The following PRKCZ variants were observed in gnomAD, a reference collection of about 807,000 sequenced individuals.
The protein encoded by PRKCZ is protein kinase C zeta type.
Under a neutral mutation model 79.5 loss-of-function variants are expected in PRKCZ, and 33 were observed. The ratio of observed to expected loss-of-function variants is 0.41; its 90% CI spans 0.31 to 0.55. The LOEUF (loss-of-function observed/expected upper bound fraction) is 0.55, where lower values mean the gene tolerates loss of function less well. PRKCZ is among the 20% of genes least tolerant of loss of function. The probability of loss-of-function intolerance (pLI) is 0.19; values close to 1 mark genes in which losing one functional copy is unlikely to be tolerated. For missense variants in PRKCZ, 578 were observed against 813.5 expected, an observed-to-expected ratio of 0.71 and a Z score of 3.52; for synonymous variants, 342 against 320.9, an observed-to-expected ratio of 1.07 and a Z score of -0.70.
In PRKCZ at chr1:2,128,471, G is replaced by T. The variant is rs751046653; in HGVS notation, c.335-6791G>T. Among the ~76,000 whole-genome samples, 1 of 152,228 alleles carries T rather than the reference G, an allele frequency of 6.6e-6. No homozygotes were observed. Among genetic ancestry groups the T allele is most frequent in the Non-Finnish European group, 1.5e-5 (1 of 68,040 alleles). Reference sequence around the variant, plus strand: ...AACGTGTTTTCTACGTCTTGTCAGAGTGCTCAAGGCGCGAGATTGCCATGG... The same window carrying T: ...AACGTGTTTTCTACGTCTTGTCAGATTGCTCAAGGCGCGAGATTGCCATGG... On this transcript the variant is annotated intron_variant, in intron 4 of 17. Transcript: ENST00000378567. The surrounding 1 kb of genome is among the most constrained non-coding windows in gnomAD (Gnocchi z 6.5).
At chr1:2,156,351 G>T (rs1433365097) in intron 10 of PRKCZ, 1 of 374,518 alleles carries the variant, frequency 2.7e-6, no homozygotes, top group Non-Finnish European at 5.1e-6. Flanking sequence ...ATTGGGTCAG[G>T]TGCTGGGGCT....
At chr1:2,065,678 C>CAAA (rs61017134) in intron 4 of PRKCZ, among the ~76,000 whole-genome samples, 11 of 56,088 alleles carry the variant, frequency 2.0e-4, no homozygotes, top group South Asian at 5.9e-4. Context: ...GACTCTGTCT[C>CAAA]AAAAAAAAAA....
chr1:2,120,735 T>C (rs1340370040), intron 4 of PRKCZ, among the ~76,000 whole-genome samples: 2 of 152,232 alleles, frequency 1.3e-5, no homozygotes, highest in Non-Finnish European at 2.9e-5. Flanking sequence ...TGTGGATTTT[T>C]TTCTACTGTT....
In PRKCZ at chr1:2,156,922, G is replaced by A. The variant is rs115753366; in HGVS notation, c.974+830G>A. Among the ~76,000 whole-genome samples the A allele has an allele frequency of 3.1e-3, 477 of 151,476 alleles. 3 individuals are homozygous for A. Among genetic ancestry groups the A allele is most frequent in the African/African-American group, 0.011 (456 of 41,364 alleles). ...GAGAAACAGAACCAGTTGTGTGCAC[G>A]TGTGTGTGTGTGTGTAAAGAGATTT... On this transcript the variant is annotated intron_variant, in intron 10 of 17. Coordinates refer to ENST00000378567, the MANE Select transcript of PRKCZ (RefSeq NM_002744.6).
rs1186487109 is a variant in PRKCZ, at chr1:2,165,902, C to T, written c.975-3616C>T. Among the ~76,000 whole-genome samples, 1 of 152,088 alleles carries T rather than the reference C, an allele frequency of 6.6e-6. No individual in the cohort carries two copies. The highest frequency in any genetic ancestry group is 6.5e-5 in the Admixed American group (1 of 15,280). On this transcript the variant is annotated intron_variant, in intron 10 of 17. Coordinates refer to ENST00000378567, the MANE Select transcript of PRKCZ (RefSeq NM_002744.6). The surrounding 1 kb of genome is among the most constrained non-coding windows in gnomAD (Gnocchi z 4.1). ...AGGAGGTTTTGTGAGCTTCCCTCAG[C>T]CCCCGGCCGCCCCCTAGGAGGTTTC...
chr1:2,184,717 G>A lies in PRKCZ; in HGVS notation c.1691+19G>A, dbSNP rs775528318. The A allele has an allele frequency of 2.6e-5, 42 of 1,602,662 alleles. No individual in the cohort carries two copies. The East Asian group carries it at 6.3e-4, about 24-fold the overall frequency. On this transcript the variant is annotated intron_variant, in intron 17 of 17. Coordinates refer to ENST00000378567, the MANE Select transcript of PRKCZ (RefSeq NM_002744.6). Reference sequence around the variant, plus strand: ...ACGATGAGTGAGTCCCACTGGGTGCGGGTCCCTGGAGCACCCCTCGGGCAG... The same window carrying A: ...ACGATGAGTGAGTCCCACTGGGTGCAGGTCCCTGGAGCACCCCTCGGGCAG...
rs1297391988 is a variant in PRKCZ, at chr1:2,156,022, C to G, written c.904C>G (p.His302Asp). The change falls in exon 10 of 18, where the codon CAC (histidine) becomes GAC (aspartate). Residue 302 changes from histidine (H) to aspartate (D), a missense_variant. His to Asp is a moderately conservative substitution (Grantham distance 81). Coordinates refer to ENST00000378567, the MANE Select transcript of PRKCZ (RefSeq NM_002744.6). ...EDIDWVQTEK[H>D]VFEQASSNPF... ...TATTGACTGGGTACAGACAGAGAAG[C>G]ACGTGTTTGAGCAGGCATCCAGCAA... The G allele has an allele frequency of 6.2e-7, 1 of 1,613,860 alleles. No individual in the cohort carries two copies. Among genetic ancestry groups the G allele is most frequent in the Non-Finnish European group, 8.5e-7 (1 of 1,179,920 alleles).
At chr1:2,065,678 CA>C (rs61017134) in intron 4 of PRKCZ, among the ~76,000 whole-genome samples, 1,672 of 56,130 alleles carry the variant, frequency 0.03, 22 homozygotes, top group African/African-American at 0.077. Context: ...GACTCTGTCT[CA>C]AAAAAAAAAA....
intron 11 of PRKCZ, 84 bp from the exon 12 acceptor site, chr1:2,171,971 C>T (rs867240343): frequency 7.1e-5 from 106 of 1,483,094 alleles, no homozygotes; most frequent in Middle Eastern, 3.6e-4. Context: ...GTGGGGCAAA[C>T]GGGAGTGTGT....
rs1477447441 is a variant in PRKCZ at position 2,075,718 on chromosome 1, A to G, written c.334+16127A>G. Among the ~76,000 whole-genome samples, 3 of 152,128 alleles carry G rather than the reference A, an allele frequency of 2.0e-5. No homozygotes were observed. The highest frequency in any genetic ancestry group is 7.2e-5 in the African/African-American group (3 of 41,436). ...CCCAGTTAATCAGATCTGTCAGCCC[A>G]GTGTCCACAGGGTGCCTGAGAGCCC... On this transcript the variant is annotated intron_variant, in intron 4 of 17. Coordinates refer to ENST00000378567, the MANE Select transcript of PRKCZ (RefSeq NM_002744.6). The surrounding 1 kb of genome is among the most constrained non-coding windows in gnomAD (Gnocchi z 4.8).
In PRKCZ at chr1:2,081,521, G is replaced by A. The variant is rs550508089; in HGVS notation, c.334+21930G>A. Reference sequence around the variant, plus strand: ...AGGACGTCCCATGGCTGCAGACCCCGGTGTGGGGTGTGGGCCCTGGGAGGT... The same window carrying A: ...AGGACGTCCCATGGCTGCAGACCCCAGTGTGGGGTGTGGGCCCTGGGAGGT... On this transcript the variant is annotated intron_variant, in intron 4 of 17. Coordinates refer to ENST00000378567, the MANE Select transcript of PRKCZ (RefSeq NM_002744.6). Among the ~76,000 whole-genome samples, 146 of 152,362 alleles carry A rather than the reference G, an allele frequency of 9.6e-4. 2 individuals carry two copies. Among genetic ancestry groups the A allele is most frequent in the African/African-American group, 3.4e-3 (140 of 41,584 alleles).
chr1:2,119,599 G>A (rs532631757), intron 4 of PRKCZ, among the ~76,000 whole-genome samples: 2 of 151,996 alleles, frequency 1.3e-5, no homozygotes, highest in Non-Finnish European at 2.9e-5. Context: ...TAAATTCTAC[G>A]TGTATTTCAG....
intron 4 of PRKCZ, chr1:2,104,984 C>T (rs1326866240): frequency 1.1e-6 from 1 of 948,562 alleles, no homozygotes; most frequent in Non-Finnish European, 1.3e-6. Context: ...CGACAGCCAC[C>T]CTGGCTTGTT....
At chr1:2,180,022 C>T (rs532240081) in intron 16 of PRKCZ, among the ~76,000 whole-genome samples, 23 of 152,166 alleles carry the variant, frequency 1.5e-4, no homozygotes, top group South Asian at 1.3e-3. Flanking sequence ...CAGTGGAGGC[C>T]GTCAGAAGTG....
At chr1:2,085,101 C>T (rs1664246886) in intron 4 of PRKCZ, among the ~76,000 whole-genome samples, 1 of 152,076 alleles carries the variant, frequency 6.6e-6, no homozygotes, top group Non-Finnish European at 1.5e-5. Flanking sequence ...TGTCCCTGCC[C>T]TCCCTGTGGC....
chr1:2,133,291 C>A (rs1270065584), intron 4 of PRKCZ, among the ~76,000 whole-genome samples: 4 of 150,366 alleles, frequency 2.7e-5, no homozygotes. Context: ...GTGTGACCGC[C>A]CTGCGGCTCC....
At chr1:2,148,986 C>G (rs1679301183) in intron 8 of PRKCZ, 62 bp downstream of exon 8, 1 of 1,541,814 alleles carries the variant, frequency 6.5e-7, no homozygotes, top group Non-Finnish European at 9.0e-7. Flanking sequence ...GTGAGCCTGT[C>G]TCTGGGGTAG....
intron 4 of PRKCZ, among the ~76,000 whole-genome samples, chr1:2,063,197 T>C (rs1660843939): frequency 2.0e-5 from 3 of 152,208 alleles, no homozygotes; most frequent in Admixed American, 2.0e-4. Context: ...TTCCACAGTT[T>C]AGCTGTCGTG....
chr1:2,136,206 G>T (rs990359571), intron 5 of PRKCZ, among the ~76,000 whole-genome samples: 2 of 152,204 alleles, frequency 1.3e-5, no homozygotes, highest in Admixed American at 6.5e-5. Flanking sequence ...CCCATGGTCT[G>T]CCCTCTAGAC....
Sources: allele counts gnomAD v4.1 joint callset (sites outside exome capture counted in the v4.1 genomes callset), GRCh38; gene constraint gnomAD v4.1.1; non-coding constraint Gnocchi (gnomAD v3.1); transcripts MANE v1.5; gene names NCBI Gene and HGNC (gene_info 2026-07-23, HGNC 2026-07-21).